The following TRIM10 variants were observed in gnomAD, a reference collection of about 807,000 sequenced individuals.
TRIM10 encodes the protein tripartite motif-containing protein 10.
Under a neutral mutation model 40.0 loss-of-function variants are expected in TRIM10, and 42 were observed. The observed-to-expected ratio is 1.05, with a 90% CI of 0.82 to 1.36. TRIM10 has a LOEUF of 1.36. Ranked by LOEUF, TRIM10 falls within the 40% of genes most tolerant of loss-of-function variation. The pLI, the probability that TRIM10 is intolerant of heterozygous loss-of-function variation, is 0.00. For missense variants in TRIM10, 601 were observed against 608.3 expected, an observed-to-expected ratio of 0.99 and a Z score of 0.13; for synonymous variants, 260 against 239.5, an observed-to-expected ratio of 1.09 and a Z score of -0.79.
rs766636282 is a variant in TRIM10, at chr6:30,157,382, T to G, written c.766A>C (p.Ser256Arg). The G allele has an allele frequency of 6.2e-7, 1 of 1,602,234 alleles. No individual in the cohort carries two copies. Among genetic ancestry groups the G allele is most frequent in the Non-Finnish European group, 8.5e-7 (1 of 1,176,188 alleles). ...PARELLTDIR[S>R]TLIRCETRKC... ...TATATTGCTTACCTTATTAGAGTGCTTCTGATGTCCTAGGAGAAAGAGATA... is the reference window on the plus strand; with the variant it reads ...TATATTGCTTACCTTATTAGAGTGCGTCTGATGTCCTAGGAGAAAGAGATA... The change falls in exon 4 of 7, where the codon AGC becomes CGC. Residue 256 changes from serine (S) to arginine (R), a missense_variant. Physicochemically the swap from Ser to Arg is moderately radical, Grantham distance 110. Coordinates refer to ENST00000449742, the MANE Select transcript of TRIM10 (RefSeq NM_006778.4).
chr6:30,163,584 C>T (rs1773315203), upstream of TRIM10: 6 of 1,242,314 alleles, frequency 4.8e-6, no homozygotes, highest in African/African-American at 9.3e-5. Context: ...GCCTTGCAGC[C>T]GTTTCCCTCT....
Position 30,153,823 on chromosome 6 carries a change from T to C in TRIM10, c.*146A>G, listed in dbSNP as rs1312456828. The C allele has an allele frequency of 6.2e-7, 1 of 1,611,848 alleles. No homozygotes were observed. The highest frequency in any genetic ancestry group is 1.3e-5 in the African/African-American group (1 of 75,024). ...AGTAGATTGAGAGTCCTCTCTTCTA[T>C]CCCTTACCACCCGGCCCCATCCCAT... On this transcript the variant is annotated 3_prime_UTR_variant, in exon 7 of 7. Coordinates refer to ENST00000449742, the MANE Select transcript of TRIM10 (RefSeq NM_006778.4).
chr6:30,160,375 G>A, intron 1 of TRIM10, 55 bp downstream of exon 1: 2 of 1,556,574 alleles, frequency 1.3e-6, no homozygotes. Context: ...CAACTCTGCT[G>A]TTTCTCTTAG....
rs1772247092 is a variant in TRIM10, at chr6:30,153,847, A to G, written c.*122T>C. The G allele has an allele frequency of 6.2e-7, 1 of 1,607,214 alleles. No homozygotes were observed. The highest frequency in any genetic ancestry group is 8.5e-7 in the Non-Finnish European group (1 of 1,176,108). ...ATCCCTTACCACCCGGCCCCATCCCATCTTCTAAAGCAGTCATTTCTATTC... is the reference window on the plus strand; with the variant it reads ...ATCCCTTACCACCCGGCCCCATCCCGTCTTCTAAAGCAGTCATTTCTATTC... On this transcript the variant is annotated 3_prime_UTR_variant, in exon 7 of 7. Transcript: ENST00000449742.
chr6:30,158,635 G>A lies in TRIM10; in HGVS notation c.526-6C>T, dbSNP rs374299419. The A allele has an allele frequency of 3.1e-6, 5 of 1,612,082 alleles. No homozygotes were observed. The highest frequency in any genetic ancestry group is 4.2e-6 in the Non-Finnish European group (5 of 1,179,248). ...CTCTTGGTGGACACCTGAGTCTGAG[G>A]GGGCAGGAGGCAAGCCCAAGAGAAA... is the stretch of plus-strand genomic sequence containing the variant. On this transcript the variant is annotated splice_polypyrimidine_tract_variant and splice_region_variant and intron_variant, in intron 2 of 6. Coordinates refer to ENST00000449742, the MANE Select transcript of TRIM10 (RefSeq NM_006778.4).
upstream of TRIM10, chr6:30,163,365 C>T: frequency 2.2e-6 from 1 of 464,624 alleles, no homozygotes; most frequent in Non-Finnish European, 3.8e-6. Flanking sequence ...CTGTTCTCCA[C>T]CCTAGGGACC....
At chr6:30,154,845 A>G (rs1772377417) in intron 6 of TRIM10, among the ~76,000 whole-genome samples, 1 of 152,132 alleles carries the variant, frequency 6.6e-6, no homozygotes, top group Non-Finnish European at 1.5e-5. Flanking sequence ...TGGGGCTGAT[A>G]TACCACATTC....
chr6:30,160,680 C>T lies in TRIM10; in HGVS notation c.179G>A (p.Cys60Tyr). 6.2e-7 allele frequency: 1 copy of T among 1,614,228 alleles called. No individual in the cohort carries two copies. The highest frequency in any genetic ancestry group is 8.5e-7 in the Non-Finnish European group (1 of 1,180,042). ...DLEESPTCPL[C>Y]KEPFRPGSFR... ...GCTCCCAGGACGGAAGGGTTCTTTG[C>T]AGAGTGGGCAAGTAGGGGACTCCTC... The change falls in exon 1 of 7, where the codon TGC becomes TAC. Residue 60 changes from cysteine (C) to tyrosine (Y), a missense_variant. Coordinates refer to ENST00000449742, the MANE Select transcript of TRIM10 (RefSeq NM_006778.4).
At chr6:30,155,449 C>T (rs912961897) in intron 6 of TRIM10, among the ~76,000 whole-genome samples, 10 of 152,188 alleles carry the variant, frequency 6.6e-5, no homozygotes, top group African/African-American at 1.9e-4. Flanking sequence ...CTTCATACCA[C>T]GAATGTAGTA....
At chr6:30,158,723 G>T (rs2127444074) in intron 2 of TRIM10, 94 bp from the exon 3 acceptor site, 1 of 1,006,216 alleles carries the variant, frequency 9.9e-7, no homozygotes, top group Non-Finnish European at 1.5e-6. Flanking sequence ...ATCTGGAACT[G>T]TGTCATGGTT....
chr6:30,154,460 A>C lies in TRIM10; in HGVS notation c.955T>G (p.Ser319Ala). 1 of 1,612,302 alleles carries C rather than the reference A, an allele frequency of 6.2e-7. No homozygotes were observed. The highest frequency in any genetic ancestry group is 1.7e-5 in the Admixed American group (1 of 60,024). ...PAHISLDPQT[S>A]HPKLLLSEDH... The stretch of plus-strand genomic sequence containing the variant: ...TCGGACAAGAGGAGCTTGGGGTGGG[A>C]AGTCTGAGGGTCTAGAGAAATGTGA... The change falls in exon 7 of 7, where the codon TCC becomes GCC. Residue 319 changes from serine (S) to alanine (A), a missense_variant. Coordinates refer to ENST00000449742, the MANE Select transcript of TRIM10 (RefSeq NM_006778.4).
In TRIM10 at chr6:30,160,797, C is replaced by T. The variant is rs1040323510; in HGVS notation, c.62G>A (p.Gly21Asp). 2 of 1,613,934 alleles carry T rather than the reference C, an allele frequency of 1.2e-6. No homozygotes were observed. Among genetic ancestry groups the T allele is most frequent in the Admixed American group, 1.7e-5 (1 of 60,010 alleles). The change falls in exon 1 of 7, where the codon GGT (glycine) becomes GAT (aspartate). Residue 21 changes from glycine (G) to aspartate (D), a missense_variant. Coordinates refer to ENST00000449742, the MANE Select transcript of TRIM10 (RefSeq NM_006778.4). ...ADEVNCPICQ[G>D]TLREPVTIDC... ...GATAGTGACCGGCTCCCTCAGGGTA[C>T]CCTGACAGATGGGGCAGTTGACTTC...
chr6:30,154,981 C>A (rs984951417), intron 6 of TRIM10, among the ~76,000 whole-genome samples: 7 of 152,200 alleles, frequency 4.6e-5, no homozygotes, highest in African/African-American at 1.7e-4. Context: ...TCCTGGCAGG[C>A]TCTCTGGCTC....
chr6:30,160,100 T>C (rs1772929490), intron 1 of TRIM10, among the ~76,000 whole-genome samples: 2 of 152,156 alleles, frequency 1.3e-5, no homozygotes, highest in African/African-American at 4.8e-5. Context: ...TTAACACATA[T>C]ACACACTGTT....
At position 30,160,526 on chromosome 6, in the gene TRIM10, C is replaced by G; in HGVS notation, c.333G>C (p.Glu111Asp). The G allele has an allele frequency of 6.2e-7, 1 of 1,614,234 alleles. No individual in the cohort carries two copies. The change falls in exon 1 of 7, where the codon GAG (glutamate) becomes GAC (aspartate). Residue 111 changes from glutamate to aspartate, a missense_variant. Glu to Asp is a conservative substitution (Grantham distance 45, BLOSUM62 2). Coordinates refer to ENST00000449742, the MANE Select transcript of TRIM10 (RefSeq NM_006778.4). Reference sequence around the variant, plus strand: ...CCACGCACAACTGCATCTCATCATCCTCACAGAAGAAGTAGATCTTCTCTC... The same window carrying G: ...CCACGCACAACTGCATCTCATCATCGTCACAGAAGAAGTAGATCTTCTCTC... ...EHGEKIYFFC[E>D]DDEMQLCVVC...
chr6:30,153,902 C>G lies in TRIM10; in HGVS notation c.*67G>C. ...TCATCCAGGTGATTCAGCCAGGGAT[C>G]AAGTCCACATGGTACTTGGGTTGAT... is the stretch of plus-strand genomic sequence containing the variant. On this transcript the variant is annotated 3_prime_UTR_variant, in exon 7 of 7. Transcript: ENST00000449742. The G allele has an allele frequency of 3.8e-6, 6 of 1,584,064 alleles. No homozygotes were observed. The highest frequency in any genetic ancestry group is 2.3e-5 in the South Asian group (2 of 86,148).
In TRIM10 at chr6:30,152,341, C is replaced by CAG. The variant is rs139813383; in HGVS notation, c.*1627_*1628insCT. On this transcript the variant is annotated 3_prime_UTR_variant, in exon 7 of 7. Coordinates refer to ENST00000449742, the MANE Select transcript of TRIM10 (RefSeq NM_006778.4). Reference sequence around the variant, plus strand: ...CACAGCTAAAGCCAATAAAAATAAACAAAAATAGGATCTACTTTTCTGGAA... The same window carrying CAG: ...CACAGCTAAAGCCAATAAAAATAAACAGAAAAATAGGATCTACTTTTCTGGAA... 32,027 of 152,036 alleles carry CAG rather than the reference C, an allele frequency of 0.21. 3,733 individuals are homozygous for CAG. Among genetic ancestry groups the CAG allele is most frequent in the Non-Finnish European group, 0.24 (16,636 of 67,930 alleles). 9.4% of individuals were successfully genotyped at this position (152,036 alleles called of 1,614,324 possible). A position where few individuals can be genotyped will look rare whatever the true frequency, so the allele number is the denominator to read the frequency against.
At position 30,161,182 on chromosome 6, in the gene TRIM10, G is replaced by A. The variant is rs962945985; in HGVS notation, c.-324C>T. ...GAGACACTCACAGTAGAAGGAAAGT[G>A]GTGATATGTCAGCTGTCCACTGTCA... On this transcript the variant is annotated 5_prime_UTR_variant, in exon 1 of 7. Transcript: ENST00000449742. Among the ~76,000 whole-genome samples, 77 of 152,150 alleles carry A rather than the reference G, an allele frequency of 5.1e-4. No homozygotes were observed. The highest frequency in any genetic ancestry group is 1.6e-3 in the Admixed American group (24 of 15,266).
Position 30,153,720 on chromosome 6 carries a change from G to A in TRIM10, c.*249C>T. ...GCTACTTCTGTGCCAAGCACGGATG[G>A]TGGTGAGCAGAACTGGCAGCAGCCT... On this transcript the variant is annotated 3_prime_UTR_variant, in exon 7 of 7. Coordinates refer to ENST00000449742, the MANE Select transcript of TRIM10 (RefSeq NM_006778.4). 1 of 1,613,042 alleles carries A rather than the reference G, an allele frequency of 6.2e-7. No individual in the cohort carries two copies.
Sources: gnomAD v4.1 joint callset for allele counts (sites outside exome capture counted in the v4.1 genomes callset) on GRCh38, gnomAD v4.1.1 for gene constraint, MANE v1.5 for transcripts, NCBI Gene and HGNC (gene_info 2026-07-23, HGNC 2026-07-21) for gene names.